The following IKZF4 variants were observed in gnomAD, a reference collection of about 807,000 sequenced individuals.
IKZF4 encodes IKAROS family zinc finger 4.
In IKZF4, 11 loss-of-function variants were observed where a neutral mutation model predicts 47.7. The ratio of observed to expected loss-of-function variants is 0.23; its 90% CI spans 0.15 to 0.38. The LOEUF is 0.38. Among genes scored for constraint, IKZF4 ranks in the 10% least tolerant of loss-of-function variants. The pLI is 1.00. For synonymous variants in IKZF4, 298 were observed against 299.4 expected, an observed-to-expected ratio of 1.00 and a Z score of 0.05; for missense variants, 557 against 784.9, an observed-to-expected ratio of 0.71 and a Z score of 3.47.
intron 1 of IKZF4, among the ~76,000 whole-genome samples, chr12:56,008,671 ATTTT>A (rs11456606): frequency 8.0e-6 from 1 of 124,582 alleles, no homozygotes; most frequent in Non-Finnish European, 1.6e-5. Flanking sequence ...CTTCCAGGAA[ATTTT>A]TTTTTTTTTT....
chr12:56,019,478 C>A, upstream of IKZF4: 1 of 397,136 alleles, frequency 2.5e-6, no homozygotes, highest in Non-Finnish European at 3.4e-6. Flanking sequence ...TGGGTAAAGG[C>A]ATTCAATATC....
intron 2 of IKZF4, among the ~76,000 whole-genome samples, chr12:56,012,131 C>A (rs1486186951): frequency 6.6e-6 from 1 of 152,084 alleles, no homozygotes; most frequent in Non-Finnish European, 1.5e-5. Flanking sequence ...AATTTTTCTA[C>A]TTCTGCCTGT....
rs757122321 is a variant in IKZF4, at chr12:56,033,690, A to G, written c.997+369A>G. On this transcript the variant is annotated intron_variant, in intron 7 of 7. Transcript: ENST00000547167. ...CCACTGCACTCCATCCATCCTGGGC[A>G]ACAGAGCAAGACTCCGTCTCAAAAG... Among the ~76,000 whole-genome samples the G allele has an allele frequency of 3.8e-4, 58 of 152,072 alleles. 2 individuals are homozygous for G. The highest frequency in any genetic ancestry group is 2.4e-4 in the Non-Finnish European group (16 of 67,998).
intron 1 of IKZF4, among the ~76,000 whole-genome samples, chr12:56,022,868 C>T (rs943598119): frequency 6.8e-6 from 1 of 147,164 alleles, no homozygotes; most frequent in African/African-American, 2.5e-5. Flanking sequence ...GGCGCGATCT[C>T]GGCTCACTGC....
In IKZF4 at chr12:56,025,140, C is replaced by G; in HGVS notation, c.268C>G (p.Pro90Ala). ...VSTPNSQHSSPSRSLSANSIK... is the reference protein window; with the variant it reads ...VSTPNSQHSSASRSLSANSIK... The stretch of plus-strand genomic sequence containing the variant: ...CACCCCCAACAGCCAGCACTCTTCT[C>G]CTAGCCGCTCACTCAGTGGTAAGTG... The change falls in exon 3 of 8, where the codon CCT becomes GCT. Residue 90 changes from proline to alanine, a missense_variant. Physicochemically the swap from Pro to Ala is conservative, Grantham distance 27. Transcript: ENST00000547167. The G allele has an allele frequency of 6.3e-7, 1 of 1,596,704 alleles. No homozygotes were observed. The highest frequency in any genetic ancestry group is 8.5e-7 in the Non-Finnish European group (1 of 1,172,846).
At chr12:56,015,976 A>G (rs912478673) in intron 2 of IKZF4, among the ~76,000 whole-genome samples, 2 of 152,280 alleles carry the variant, frequency 1.3e-5, no homozygotes, top group Middle Eastern at 3.4e-3. Flanking sequence ...TGTCAAGAAA[A>G]GAGGGTTAAT....
chr12:56,032,319 T>C (rs1360513654), intron 5 of IKZF4: 2 of 463,896 alleles, frequency 4.3e-6, no homozygotes, highest in African/African-American at 4.0e-5. Flanking sequence ...CCACCACCAG[T>C]CTGAAGCCAC....
At chr12:56,027,745 A>G (rs1343443023) in intron 4 of IKZF4, 35 bp from the exon 5 acceptor site, 1 of 1,602,666 alleles carries the variant, frequency 6.2e-7, no homozygotes, top group Admixed American at 1.7e-5. Flanking sequence ...AGTTCCTCAC[A>G]TGCAGTCCTC....
In IKZF4 at chr12:56,008,447, A is replaced by G. The variant is rs930683624; in HGVS notation, c.-292+713A>G. 3.5e-4 allele frequency among the ~76,000 whole-genome samples: 53 copies of G among 152,252 alleles called. 1 individual carries two copies. The highest frequency in any genetic ancestry group is 3.3e-3 in the Admixed American group (50 of 15,282). ...AACAGCCCTCCCTGTACCTCCTCAC[A>G]CAAACCCCATCCCGTTATTTTCTTA... On this transcript the variant is annotated intron_variant, in intron 1 of 11. Transcript: ENST00000262032.
upstream of IKZF4, among the ~76,000 whole-genome samples, chr12:56,017,102 T>G (rs1892183242): frequency 6.6e-6 from 1 of 151,932 alleles, no homozygotes; most frequent in African/African-American, 2.4e-5. Flanking sequence ...CCTAAAGAGA[T>G]AATTCATTGC....
At position 56,026,791 on chromosome 12, in the gene IKZF4, C is replaced by A; in HGVS notation, c.297C>A (p.Ile99=). ...CATCCCACCCCTCAGCCAACTCCAT[C>A]AAGGTGGAGATGTACAGCGATGAGG... ...SPSRSLSANS[I]KVEMYSDEES... is the part of the protein sequence containing the mutation. Residue 99 remains isoleucine (I), a synonymous_variant, in exon 4 of 8, where the codon ATC becomes ATA. Coordinates refer to ENST00000547167, the MANE Select transcript of IKZF4 (RefSeq NM_022465.4). The A allele has an allele frequency of 1.3e-6, 2 of 1,572,856 alleles. No homozygotes were observed. The highest frequency in any genetic ancestry group is 1.7e-6 in the Non-Finnish European group (2 of 1,157,276).
At chr12:56,031,022 G>A (rs1265760991) in intron 5 of IKZF4, among the ~76,000 whole-genome samples, 4 of 152,242 alleles carry the variant, frequency 2.6e-5, no homozygotes, top group Admixed American at 1.3e-4. Context: ...GGGAGGCTGA[G>A]GCAGACAGAT....
At chr12:56,016,626 C>T (rs1050673251), upstream of IKZF4, among the ~76,000 whole-genome samples, 28 of 149,338 alleles carry the variant, frequency 1.9e-4, no homozygotes, top group East Asian at 4.0e-4. Context: ...GACGGAGTTT[C>T]GCTCTTGTTG....
chr12:56,023,859 C>A lies in IKZF4; in HGVS notation c.181+95C>A, dbSNP rs182932031. 4.5e-5 allele frequency: 69 copies of A among 1,525,874 alleles called. No individual in the cohort carries two copies. The African/African-American group carries it at 9.2e-4, about 20-fold the overall frequency. 94.5% of individuals were successfully genotyped at this position (1,525,874 alleles called of 1,614,324 possible). ...TTCCTCTCTCTTTCTTGCACTCTCC[C>A]TTGCTTTCTCTTTCTCTCTTCCATA... On this transcript the variant is annotated intron_variant, in intron 2 of 7. Coordinates refer to ENST00000547167, the MANE Select transcript of IKZF4 (RefSeq NM_022465.4).
chr12:56,032,859 C>G (rs1399702371), intron 6 of IKZF4, 149 bp downstream of exon 6: 23 of 979,134 alleles, frequency 2.3e-5, no homozygotes, highest in Middle Eastern at 5.9e-4. Flanking sequence ...ACACCCCATT[C>G]TAGGTAACCC....
chr12:56,024,078 T>A (rs1893538873), intron 2 of IKZF4: 1 of 370,412 alleles, frequency 2.7e-6, no homozygotes, highest in Non-Finnish European at 3.7e-6. Context: ...AGGAGGGATT[T>A]TTTTAAAAAA....
intron 1 of IKZF4, 108 bp downstream of exon 1, chr12:56,021,688 CTGTGTGTGTGTGTGTGTGTGTG>C (rs67296911): frequency 4.6e-5 from 30 of 658,882 alleles, no homozygotes; most frequent in African/African-American, 9.0e-5. Flanking sequence ...AGGATGGGGG[CTGTGTGTGTGTGTGTGTGTGTG>C]TGTGTGTGTG....
intron 2 of IKZF4, chr12:56,024,763 G>A (rs1336945062): frequency 4.2e-5 from 53 of 1,263,894 alleles, no homozygotes; most frequent in African/African-American, 9.3e-5. Context: ...CCGCCCTGGC[G>A]CACCCAGCCT....
At chr12:56,014,432 C>T (rs755183958) in intron 2 of IKZF4, among the ~76,000 whole-genome samples, 9 of 152,188 alleles carry the variant, frequency 5.9e-5, no homozygotes, top group Non-Finnish European at 1.3e-4. Context: ...TATGCTTCAC[C>T]TGTTCTACCC....
Sources: allele counts gnomAD v4.1 joint callset (sites outside exome capture counted in the v4.1 genomes callset), GRCh38; gene constraint gnomAD v4.1.1; transcripts MANE v1.5; gene names NCBI Gene and HGNC (gene_info 2026-07-23, HGNC 2026-07-21).